The following LUC7L3 variants were observed in gnomAD, a reference collection of about 807,000 sequenced individuals.
The protein encoded by LUC7L3 is luc7-like protein 3.
A neutral mutation model predicts 66.8 loss-of-function variants in LUC7L3; 6 were observed. The ratio of observed to expected loss-of-function variants is 0.09; its 90% CI spans 0.05 to 0.18. LUC7L3 has a LOEUF of 0.18. LUC7L3 is among the 10% of genes least tolerant of loss of function. The pLI, the probability that LUC7L3 is intolerant of heterozygous loss-of-function variation, is 1.00. For synonymous variants in LUC7L3, 160 were observed against 174.7 expected (o/e 0.92, Z 0.66); for missense variants, 341 against 531.1 (o/e 0.64, Z 3.52).
At position 50,755,638 on chromosome 17, in the gene LUC7L3, A is replaced by G. The variant is rs1169152228; in HGVS notation, c.*4977A>G. On this transcript the variant is annotated 3_prime_UTR_variant, in exon 10 of 10. Transcript: ENST00000505658. Reference sequence around the variant, plus strand: ...ACAGATTTAAGAATGTTTAGAAACAACAACTTTGGGAAACGGGAAACAATT... The same window carrying G: ...ACAGATTTAAGAATGTTTAGAAACAGCAACTTTGGGAAACGGGAAACAATT... 2 of 152,238 alleles carry G rather than the reference A, an allele frequency of 1.3e-5. No individual in the cohort carries two copies. Among genetic ancestry groups the G allele is most frequent in the Non-Finnish European group, 2.9e-5 (2 of 68,046 alleles). The allele number at this position is 152,238 out of a possible 1,614,324, so 9.4% of individuals were successfully genotyped here.
intron 1 of LUC7L3, among the ~76,000 whole-genome samples, chr17:50,730,513 C>CAAAAAAAAAAAAAAAAAAA (rs3063109): frequency 4.6e-4 from 27 of 59,086 alleles, no homozygotes; most frequent in African/African-American, 8.3e-4. Flanking sequence ...ACTCTGTCTC[C>CAAAAAAAAAAAAAAAAAAA]AAAAAAAAAA....
At chr17:50,732,997 ATG>A (rs1192883592) in intron 1 of LUC7L3, among the ~76,000 whole-genome samples, 3 of 152,116 alleles carry the variant, frequency 2.0e-5, no homozygotes, top group African/African-American at 7.2e-5. Flanking sequence ...GACTGTAGAG[ATG>A]TGTTTATTCG....
chr17:50,729,979 T>G (rs1969478630), intron 1 of LUC7L3, among the ~76,000 whole-genome samples: 2 of 145,928 alleles, frequency 1.4e-5, no homozygotes, highest in African/African-American at 2.5e-5. Context: ...GTGGGGACAG[T>G]GTCTGGCTCT....
chr17:50,731,888 C>T (rs1476384146), intron 1 of LUC7L3, among the ~76,000 whole-genome samples: 1 of 152,118 alleles, frequency 6.6e-6, no homozygotes, highest in African/African-American at 2.4e-5. Context: ...GCGGACAGGT[C>T]TACGGAAACC....
chr17:50,722,027 AT>A (rs1379134750), intron 1 of LUC7L3: 3 of 151,904 alleles, frequency 2.0e-5, no homozygotes, highest in Non-Finnish European at 4.4e-5. Context: ...TTTACCTAGT[AT>A]TAAAGGTAGT....
chr17:50,728,746 G>A (rs553006157), intron 1 of LUC7L3, among the ~76,000 whole-genome samples: 68 of 152,244 alleles, frequency 4.5e-4, no homozygotes, highest in African/African-American at 1.6e-3. Flanking sequence ...TAGAGACGGC[G>A]TTTCGCCATT....
rs55943930 is a variant in LUC7L3 at position 50,750,993 on chromosome 17, C to CT, written c.*344dup. 123,157 of 979,700 alleles carry CT rather than the reference C, an allele frequency of 0.13. 664 individuals carry two copies. Among genetic ancestry groups the CT allele is most frequent in the Non-Finnish European group, 0.13 (98,829 of 741,650 alleles). The allele number at this position is 979,700 out of a possible 1,614,324, so 60.7% of individuals were successfully genotyped here. ...TTTTTTAGGGATTTTGATGTCATTT[C>CT]TTTTTTTTTTTTAATAAAAAGGTTG... is the stretch of plus-strand genomic sequence containing the variant. On this transcript the variant is annotated 3_prime_UTR_variant, in exon 10 of 10. Transcript: ENST00000505658.
intron 9 of LUC7L3, among the ~76,000 whole-genome samples, chr17:50,746,926 T>G (rs1399250270): frequency 6.6e-6 from 1 of 152,218 alleles, no homozygotes; most frequent in African/African-American, 2.4e-5. Flanking sequence ...CATCTTTCAG[T>G]TGATAAACCT....
rs1971057556 is a variant in LUC7L3, at chr17:50,753,691, T to G, written c.*3030T>G. 1 of 152,184 alleles carries G rather than the reference T, an allele frequency of 6.6e-6. No homozygotes were observed. Among genetic ancestry groups the G allele is most frequent in the Non-Finnish European group, 1.5e-5 (1 of 68,020 alleles). 9.4% of individuals were successfully genotyped at this position (152,184 alleles called of 1,614,324 possible). On this transcript the variant is annotated 3_prime_UTR_variant, in exon 10 of 10. Transcript: ENST00000505658. ...ACTGCTTTGTGTAGTTTGACAGCATTGTGGTTGTAGCAGCAAAGGACTTAA... is the reference window on the plus strand; with the variant it reads ...ACTGCTTTGTGTAGTTTGACAGCATGGTGGTTGTAGCAGCAAAGGACTTAA...
chr17:50,748,789 A>C (rs901081905), intron 9 of LUC7L3, among the ~76,000 whole-genome samples: 1 of 152,106 alleles, frequency 6.6e-6, no homozygotes, highest in African/African-American at 2.4e-5. Context: ...AAACATTGGA[A>C]TCTCTTTTAG....
At chr17:50,727,258 G>A (rs926567365) in intron 1 of LUC7L3, among the ~76,000 whole-genome samples, 4 of 152,130 alleles carry the variant, frequency 2.6e-5, no homozygotes, top group Non-Finnish European at 4.4e-5. Context: ...CCTGAGGTTG[G>A]ATAATTATAA....
intron 4 of LUC7L3, 46 bp downstream of exon 4, chr17:50,741,292 G>T: frequency 6.4e-7 from 1 of 1,567,712 alleles, no homozygotes; most frequent in South Asian, 1.2e-5. Flanking sequence ...TTGTTTTCTG[G>T]AGATTCAGAG....
rs758793799 is a variant in LUC7L3, at chr17:50,719,847, C to G, written c.99+16C>G. 6.2e-6 allele frequency: 9 copies of G among 1,443,440 alleles called. No individual in the cohort carries two copies. In the East Asian group the frequency reaches 1.8e-4, roughly 29 times the overall value. 89.4% of individuals were successfully genotyped at this position (1,443,440 alleles called of 1,614,324 possible). A position where few individuals can be genotyped will look rare whatever the true frequency, so the allele number is the denominator to read the frequency against. The stretch of plus-strand genomic sequence containing the variant: ...CCACGAGAGCGTAAGTCCCGCGGGC[C>G]TTGGCCTGAGCCCGGGCTCCGTGGG... On this transcript the variant is annotated intron_variant, in intron 1 of 9. Transcript: ENST00000505658.
rs1971227812 is a variant in LUC7L3 at position 50,751,116 on chromosome 17, G to T, written c.*455G>T. ...AAACTTAAATATTTCGGAGGCACAT[G>T]TTGGACTACTTTGTTTTAATTAAAC... On this transcript the variant is annotated 3_prime_UTR_variant, in exon 10 of 10. Transcript: ENST00000505658. 1 of 1,453,032 alleles carries T rather than the reference G, an allele frequency of 6.9e-7. No homozygotes were observed. The highest frequency in any genetic ancestry group is 1.4e-5 in the African/African-American group (1 of 69,928). 90.0% of individuals were successfully genotyped at this position (1,453,032 alleles called of 1,614,324 possible). A position where few individuals can be genotyped will look rare whatever the true frequency, so the allele number is the denominator to read the frequency against.
rs1971088208 is a variant in LUC7L3 at position 50,755,123 on chromosome 17, T to TTG, written c.*4465_*4466dup. On this transcript the variant is annotated 3_prime_UTR_variant, in exon 10 of 10. Coordinates refer to ENST00000505658, the MANE Select transcript of LUC7L3 (RefSeq NM_016424.5). ...ATTTCCTGAGGGATTTTTTAGTTGT[T>TTG]TGTGAAAGAACCCCAGGTCTACTTT... 1 of 152,212 alleles carries TTG rather than the reference T, an allele frequency of 6.6e-6. No homozygotes were observed. Among genetic ancestry groups the TTG allele is most frequent in the South Asian group, 2.1e-4 (1 of 4,832 alleles). The allele number at this position is 152,212 out of a possible 1,614,324, so 9.4% of individuals were successfully genotyped here. A position where few individuals can be genotyped will look rare whatever the true frequency, so the allele number is the denominator to read the frequency against.
intron 5 of LUC7L3, among the ~76,000 whole-genome samples, chr17:50,742,960 A>G (rs1248629967): frequency 6.6e-6 from 1 of 152,206 alleles, no homozygotes; most frequent in African/African-American, 2.4e-5. Flanking sequence ...TGAGTGAAAG[A>G]AGCCGGACAA....
chr17:50,743,638 A>G, intron 5 of LUC7L3, 68 bp from the exon 6 acceptor site: 2 of 995,456 alleles, frequency 2.0e-6, no homozygotes, highest in Non-Finnish European at 3.1e-6. Context: ...CTAATGAACC[A>G]TGGGGAAAAA....
intron 1 of LUC7L3, among the ~76,000 whole-genome samples, chr17:50,735,775 G>C (rs1969945239): frequency 6.6e-6 from 1 of 152,112 alleles, no homozygotes; most frequent in Non-Finnish European, 1.5e-5. Context: ...TGGGATTACA[G>C]GTGTGAGCCA....
intron 2 of LUC7L3, chr17:50,737,413 G>A (rs982650543): frequency 2.3e-6 from 1 of 440,882 alleles, no homozygotes; most frequent in Non-Finnish European, 4.5e-6. Flanking sequence ...TGCAGAAGGG[G>A]ATACTAAACA....
Sources: gnomAD v4.1 joint callset for allele counts (sites outside exome capture counted in the v4.1 genomes callset) on GRCh38, gnomAD v4.1.1 for gene constraint, MANE v1.5 for transcripts, NCBI Gene and HGNC (gene_info 2026-07-23, HGNC 2026-07-21) for gene names.